ZNF540: variants seen among roughly 807,000 people sequenced by gnomAD.
ZNF540 encodes the protein zinc finger protein 540, also known as CTD-3064H18.6.
ZNF540 carries 3 observed loss-of-function variants against 11.8 expected under a neutral mutation model. That is an observed-to-expected ratio of 0.25 (90% CI 0.12 to 0.65). The LOEUF is 0.65. ZNF540 is among the 30% of genes least tolerant of loss of function. The pLI, the probability that ZNF540 is intolerant of heterozygous loss-of-function variation, is 0.83. For synonymous variants in ZNF540, 247 were observed against 259.0 expected, an observed-to-expected ratio of 0.95 and a Z score of 0.45; for missense variants, 709 against 793.1, an observed-to-expected ratio of 0.89 and a Z score of 1.27.
chr19:37,584,857 G>A (rs1158016579), intron 1 of ZNF540, among the ~76,000 whole-genome samples: 2 of 151,848 alleles, frequency 1.3e-5, no homozygotes, highest in Admixed American at 6.6e-5. Flanking sequence ...CCAGCTACTC[G>A]GGAGGCTGAG....
chr19:37,553,107 TAA>T (rs2042624803), intron 1 of ZNF540, among the ~76,000 whole-genome samples: 1 of 136,930 alleles, frequency 7.3e-6, no homozygotes, highest in Non-Finnish European at 1.6e-5. Flanking sequence ...TTATATAACC[TAA>T]CATCTTTTTT....
At chr19:37,572,581 G>A (rs2043100384) in intron 1 of ZNF540, among the ~76,000 whole-genome samples, 1 of 152,156 alleles carries the variant, frequency 6.6e-6, no homozygotes, top group African/African-American at 2.4e-5. Flanking sequence ...GGCATCCACT[G>A]GGGGAGCCTT....
At chr19:37,605,754 T>C (rs901195798) in intron 4 of ZNF540, among the ~76,000 whole-genome samples, 7 of 152,254 alleles carry the variant, frequency 4.6e-5, no homozygotes, top group Non-Finnish European at 8.8e-5. Flanking sequence ...TCAGTCATTT[T>C]AATCTTAGTC....
At chr19:37,603,274 T>C (rs1430904297) in intron 4 of ZNF540, among the ~76,000 whole-genome samples, 1 of 152,172 alleles carries the variant, frequency 6.6e-6, no homozygotes, top group Non-Finnish European at 1.5e-5. Context: ...CCCAAAGTGC[T>C]GGGCGTGAGC....
chr19:37,572,644 T>G (rs1256920568), intron 1 of ZNF540, among the ~76,000 whole-genome samples: 1 of 152,212 alleles, frequency 6.6e-6, no homozygotes, highest in Non-Finnish European at 1.5e-5. Flanking sequence ...TAAGAAAGTA[T>G]GCAAGAACTG....
chr19:37,594,775 A>G (rs1301732753), upstream of ZNF540: 3 of 152,198 alleles, frequency 2.0e-5, no homozygotes, highest in African/African-American at 4.8e-5. Context: ...GCGTCAAGAC[A>G]TAACAGCGTA....
intron 1 of ZNF540, among the ~76,000 whole-genome samples, chr19:37,567,909 T>C (rs916756153): frequency 9.2e-5 from 14 of 152,248 alleles, no homozygotes; most frequent in African/African-American, 3.4e-4. Flanking sequence ...GAACACAGTA[T>C]ACATATAATG....
chr19:37,609,093 G>A (rs748323004), intron 4 of ZNF540, among the ~76,000 whole-genome samples: 4 of 152,016 alleles, frequency 2.6e-5, no homozygotes, highest in Non-Finnish European at 5.9e-5. Context: ...TAAAATTGTT[G>A]AGTTTCTTTG....
intron 1 of ZNF540, among the ~76,000 whole-genome samples, chr19:37,578,686 C>T: frequency 6.6e-6 from 1 of 151,996 alleles, no homozygotes; most frequent in Admixed American, 6.5e-5. Context: ...CTGTCCCCAC[C>T]TGAACTCTGC....
Position 37,565,336 on chromosome 19 carries a change from T to C in ZNF540, c.-73+13671T>C, listed in dbSNP as rs771313857. 5.0e-6 allele frequency: 8 copies of C among 1,613,236 alleles called. No homozygotes were observed. The East Asian group carries it at 6.7e-5, about 13-fold the overall frequency. On this transcript the variant is annotated intron_variant, in intron 1 of 4. Transcript: ENST00000592533. ...AAAAGGTCTTCCCGCATTCTTTACATTCATAGGGTTTCTCTCCTGTATGAA... is the reference window on the plus strand; with the variant it reads ...AAAAGGTCTTCCCGCATTCTTTACACTCATAGGGTTTCTCTCCTGTATGAA...
chr19:37,574,840 G>A (rs1313814326), intron 1 of ZNF540, among the ~76,000 whole-genome samples: 1 of 152,104 alleles, frequency 6.6e-6, no homozygotes, highest in Non-Finnish European at 1.5e-5. Context: ...AGTAATCTCA[G>A]TAACAATAAA....
chr19:37,577,816 G>A lies in ZNF540; in HGVS notation c.-72-20560G>A, dbSNP rs376241809. 3.3e-5 allele frequency among the ~76,000 whole-genome samples: 5 copies of A among 152,288 alleles called. No homozygotes were observed. The South Asian group carries it at 1.0e-3, about 32-fold the overall frequency. ...AGCAGCTAGTGTGCACCACTCTCAGGGAGAGGAAACAAAGTCGGAAGTAAA... is the reference window on the plus strand; with the variant it reads ...AGCAGCTAGTGTGCACCACTCTCAGAGAGAGGAAACAAAGTCGGAAGTAAA... On this transcript the variant is annotated intron_variant, in intron 1 of 4. Coordinates refer to the ZNF540 transcript ENST00000592533.
intron 1 of ZNF540, among the ~76,000 whole-genome samples, chr19:37,575,200 T>C (rs903334855): frequency 6.6e-6 from 1 of 152,162 alleles, no homozygotes; most frequent in African/African-American, 2.4e-5. Context: ...GAAAATAAAA[T>C]CTAACTACTT....
intron 1 of ZNF540, among the ~76,000 whole-genome samples, chr19:37,582,090 C>A (rs1486166230): frequency 6.6e-6 from 1 of 152,138 alleles, no homozygotes; most frequent in Non-Finnish European, 1.5e-5. Context: ...ATTGTAAACT[C>A]TATTTGTAAC....
At chr19:37,574,877 C>T (rs547315046) in intron 1 of ZNF540, among the ~76,000 whole-genome samples, 6 of 152,182 alleles carry the variant, frequency 3.9e-5, no homozygotes, top group Non-Finnish European at 7.4e-5. Flanking sequence ...GATCAACTGG[C>T]CACAGCCATG....
At chr19:37,579,274 G>C (rs2043359491) in intron 1 of ZNF540, among the ~76,000 whole-genome samples, 1 of 152,306 alleles carries the variant, frequency 6.6e-6, no homozygotes, top group Middle Eastern at 3.4e-3. Context: ...AGGTTGTCCA[G>C]TGGGCCAGCT....
chr19:37,565,166 C>T (rs374825667), intron 1 of ZNF540: 9 of 1,613,514 alleles, frequency 5.6e-6, no homozygotes, highest in Non-Finnish European at 7.6e-6. Context: ...ACATTCCTTA[C>T]ATTTGTAGGG....
rs138494668 is a variant in ZNF540 at position 37,583,977 on chromosome 19, A to G, written c.-72-14399A>G. 3.7e-4 allele frequency: 591 copies of G among 1,607,124 alleles called. 1 individual carries two copies. Among genetic ancestry groups the G allele is most frequent in the Non-Finnish European group, 4.8e-4 (560 of 1,176,424 alleles). On this transcript the variant is annotated intron_variant, in intron 1 of 4. Transcript: ENST00000592533. Reference sequence around the variant, plus strand: ...TTACGTAGGATGATCTTACCCAATGAGATCAGGTTGCTGTAGTTCTCCAAC... The same window carrying G: ...TTACGTAGGATGATCTTACCCAATGGGATCAGGTTGCTGTAGTTCTCCAAC...
At chr19:37,564,731 G>A (rs756586237) in intron 1 of ZNF540, 1 of 1,613,554 alleles carries the variant, frequency 6.2e-7, no homozygotes, top group Non-Finnish European at 8.5e-7. Context: ...ACGACTAAAG[G>A]CCCTCCCACA....
Sources: gnomAD v4.1 joint callset for allele counts (sites outside exome capture counted in the v4.1 genomes callset) on GRCh38, gnomAD v4.1.1 for gene constraint, MANE v1.5 for transcripts, NCBI Gene and HGNC (gene_info 2026-07-23, HGNC 2026-07-21) for gene names.